Variants in PLEKHA7 observed in about 807,000 individuals in gnomAD.
PLEKHA7 encodes the protein pleckstrin homology domain-containing family A member 7.
In PLEKHA7, 104 loss-of-function variants were observed where a neutral mutation model predicts 170.0. The observed-to-expected ratio is 0.61, with a 90% CI of 0.52 to 0.72. The LOEUF is 0.72. Among genes scored for constraint, PLEKHA7 ranks in the 30% least tolerant of loss-of-function variants. The probability of loss-of-function intolerance (pLI) is 0.00; values close to 1 mark genes in which losing one functional copy is unlikely to be tolerated. For missense variants in PLEKHA7, 1,615 were observed against 1,671.7 expected (o/e 0.97, Z 0.59); for synonymous variants, 648 against 660.8 (o/e 0.98, Z 0.30).
At chr11:16,784,735 T>C (rs1312577026) in intron 24 of PLEKHA7, among the ~76,000 whole-genome samples, 1 of 152,222 alleles carries the variant, frequency 6.6e-6, no homozygotes, top group African/African-American at 2.4e-5. Context: ...AATCAGGTCA[T>C]GGATTTAAAC....
At chr11:16,965,732 T>G (rs1000723870) in intron 3 of PLEKHA7, among the ~76,000 whole-genome samples, 4 of 152,160 alleles carry the variant, frequency 2.6e-5, no homozygotes, top group African/African-American at 9.7e-5. Context: ...TGAGGCAAAT[T>G]AGGTCATTTC....
chr11:16,794,594 C>G lies in PLEKHA7; in HGVS notation c.2639G>C (p.Arg880Pro), dbSNP rs760552695. The change falls in exon 19 of 27, where the codon CGA (arginine) becomes CCA (proline). Residue 880 changes from arginine (R) to proline (P), a missense_variant. Physicochemically the swap from Arg to Pro is moderately radical, Grantham distance 103. Coordinates refer to ENST00000531066, the MANE Select transcript of PLEKHA7 (RefSeq NM_001329630.2). Reference protein sequence around the residue: ...TSPVRTPLEVRLFPQLQTYVP... With the variant: ...TSPVRTPLEVPLFPQLQTYVP... ...GTAGGTTTGCAGCTGGGGGAAGAGT[C>G]GAACCTCCAGAGGGGTCCGCACAGG... The G allele has an allele frequency of 1.2e-6, 2 of 1,613,016 alleles. No individual in the cohort carries two copies. The highest frequency in any genetic ancestry group is 1.7e-6 in the Non-Finnish European group (2 of 1,179,588).
intron 3 of PLEKHA7, among the ~76,000 whole-genome samples, chr11:16,993,547 G>C (rs1337994178): frequency 1.3e-5 from 2 of 152,122 alleles, no homozygotes; most frequent in South Asian, 2.1e-4. Context: ...TGGTGGTTAC[G>C]TGAGTATAGA....
At chr11:16,805,095 C>T (rs1001340201) in intron 13 of PLEKHA7, among the ~76,000 whole-genome samples, 2 of 152,214 alleles carry the variant, frequency 1.3e-5, no homozygotes, top group Admixed American at 6.5e-5. Flanking sequence ...TTCTCCAAAC[C>T]GGCTGACCTT....
chr11:16,932,440 C>A (rs1860008184), intron 3 of PLEKHA7, among the ~76,000 whole-genome samples: 1 of 152,048 alleles, frequency 6.6e-6, no homozygotes, highest in African/African-American at 2.4e-5. Context: ...CACCACCTCA[C>A]CTGGCTAATT....
intron 25 of PLEKHA7, 149 bp downstream of exon 25, chr11:16,783,551 C>T (rs961341545): frequency 3.0e-5 from 25 of 843,928 alleles, no homozygotes; most frequent in Non-Finnish European, 4.0e-5. Flanking sequence ...TGGCGATGTA[C>T]CAGCCTGCCC....
chr11:17,007,633 G>T (rs2137102604), intron 3 of PLEKHA7, among the ~76,000 whole-genome samples: 1 of 150,644 alleles, frequency 6.6e-6, no homozygotes, highest in South Asian at 2.1e-4. Context: ...GAGTGCAGTG[G>T]CGTGAGCTCA....
intron 3 of PLEKHA7, among the ~76,000 whole-genome samples, chr11:16,957,325 T>C (rs942639733): frequency 1.3e-5 from 2 of 152,174 alleles, no homozygotes; most frequent in African/African-American, 4.8e-5. Flanking sequence ...TTCTGGTATA[T>C]CCATATGACA....
intron 3 of PLEKHA7, among the ~76,000 whole-genome samples, chr11:16,942,055 A>G (rs1256024825): frequency 6.6e-6 from 1 of 152,198 alleles, no homozygotes; most frequent in Non-Finnish European, 1.5e-5. Context: ...AGTTCTAAGG[A>G]TCTTACATGT....
intron 3 of PLEKHA7, among the ~76,000 whole-genome samples, chr11:16,885,532 C>T (rs532780865): frequency 7.3e-4 from 110 of 150,272 alleles, no homozygotes; most frequent in African/African-American, 2.5e-3. Flanking sequence ...GGAGTGGTGG[C>T]GGAGCCTGTA....
chr11:16,868,181 A>G (rs1293541775), intron 4 of PLEKHA7, among the ~76,000 whole-genome samples: 2 of 152,170 alleles, frequency 1.3e-5, no homozygotes, highest in African/African-American at 4.8e-5. Context: ...ATTCCCATTG[A>G]ACCCTATGTT....
intron 13 of PLEKHA7, among the ~76,000 whole-genome samples, chr11:16,811,805 A>T (rs1389516778): frequency 6.6e-6 from 1 of 152,074 alleles, no homozygotes; most frequent in Admixed American, 6.5e-5. Context: ...AGCCTGCATG[A>T]CCTAGTGCCA....
At chr11:16,892,422 G>GTTT (rs1287814363) in intron 3 of PLEKHA7, among the ~76,000 whole-genome samples, 15 of 76,984 alleles carry the variant, frequency 1.9e-4, no homozygotes, top group Non-Finnish European at 3.8e-4. Context: ...GTGTGTGTGT[G>GTTT]TGTGTGTGTG....
At chr11:16,894,838 AATG>A (rs1565084602) in intron 3 of PLEKHA7, among the ~76,000 whole-genome samples, 1 of 152,182 alleles carries the variant, frequency 6.6e-6, no homozygotes, top group Non-Finnish European at 1.5e-5. Context: ...AGAGATCCAT[AATG>A]ATAACTTCAG....
chr11:16,838,264 T>G (rs1851673724), intron 9 of PLEKHA7, among the ~76,000 whole-genome samples: 2 of 152,058 alleles, frequency 1.3e-5, no homozygotes, highest in African/African-American at 2.4e-5. Flanking sequence ...TCTCAGCTAC[T>G]TGGGAGGCTG....
rs367736520 is a variant in PLEKHA7, at chr11:16,794,684, G to A, written c.2549C>T (p.Pro850Leu). The A allele has an allele frequency of 1.2e-5, 20 of 1,613,934 alleles. No homozygotes were observed. The highest frequency in any genetic ancestry group is 8.0e-5 in the African/African-American group (6 of 74,898). ...ERKTVPLFPHPPVPSLSTSES... is the reference protein window; with the variant it reads ...ERKTVPLFPHLPVPSLSTSES... ...AGAAGTTGAGAGTGAAGGCACAGGC[G>A]GGTGAGGAAACAAAGGCACCGTTTT... The change falls in exon 19 of 27, where the codon CCG (proline) becomes CTG (leucine). Residue 850 changes from proline to leucine, a missense_variant. Coordinates refer to ENST00000531066, the MANE Select transcript of PLEKHA7 (RefSeq NM_001329630.2).
chr11:16,812,214 C>T lies in PLEKHA7; in HGVS notation c.2007+899G>A, dbSNP rs146724514. Among the ~76,000 whole-genome samples, 12 of 152,350 alleles carry T rather than the reference C, an allele frequency of 7.9e-5. No individual in the cohort carries two copies. The East Asian group carries it at 2.1e-3, about 27-fold the overall frequency. The stretch of plus-strand genomic sequence containing the variant: ...TTGATTTCTAATCAAAAGCCCTGAT[C>T]TCCTTTCATTGTGGGGAGACCCCCT... On this transcript the variant is annotated intron_variant, in intron 13 of 26. Coordinates refer to ENST00000531066, the MANE Select transcript of PLEKHA7 (RefSeq NM_001329630.2).
chr11:16,804,820 T>C (rs949895470), intron 13 of PLEKHA7, among the ~76,000 whole-genome samples: 3 of 152,184 alleles, frequency 2.0e-5, no homozygotes, highest in African/African-American at 7.2e-5. Flanking sequence ...CATACACGTA[T>C]ACACACAGTT....
At chr11:16,942,801 T>A (rs1261490421) in intron 3 of PLEKHA7, among the ~76,000 whole-genome samples, 1 of 152,242 alleles carries the variant, frequency 6.6e-6, no homozygotes, top group Non-Finnish European at 1.5e-5. Flanking sequence ...AAGCAATTTC[T>A]CCACTTAGGC....
Sources: gnomAD v4.1 joint callset for allele counts (sites outside exome capture counted in the v4.1 genomes callset) on GRCh38, gnomAD v4.1.1 for gene constraint, MANE v1.5 for transcripts, NCBI Gene and HGNC (gene_info 2026-07-23, HGNC 2026-07-21) for gene names.